The following LSAMP variants were observed in gnomAD, a reference collection of about 807,000 sequenced individuals.
LSAMP encodes limbic system-associated membrane protein.
LSAMP carries 7 observed loss-of-function variants against 38.6 expected under a neutral mutation model. That is an observed-to-expected ratio of 0.18 (90% CI 0.10 to 0.34). The LOEUF (loss-of-function observed/expected upper bound fraction) is 0.34, where lower values mean the gene tolerates loss of function less well. Among genes scored for constraint, LSAMP ranks in the 10% least tolerant of loss-of-function variants. LSAMP has a pLI of 1.00. For missense variants in LSAMP, 313 were observed against 420.0 expected (o/e 0.75, Z 2.23); for synonymous variants, 154 against 166.8 (o/e 0.92, Z 0.59).
At chr3:115,854,282 ATTTTTTTTTTTT>A (rs35263381) in intron 3 of LSAMP, among the ~76,000 whole-genome samples, 1 of 107,030 alleles carries the variant, frequency 9.3e-6, no homozygotes, top group African/African-American at 3.7e-5. Flanking sequence ...TATTATTATT[ATTTTTTTTTTTT>A]TTTTTTGAGA....
At chr3:115,895,360 T>C (rs1936702802) in intron 3 of LSAMP, among the ~76,000 whole-genome samples, 1 of 152,066 alleles carries the variant, frequency 6.6e-6, no homozygotes, top group Middle Eastern at 3.2e-3. Context: ...ACCAAACAGA[T>C]GGGGTCAGTT....
intron 3 of LSAMP, among the ~76,000 whole-genome samples, chr3:115,975,464 A>T (rs1212569758): frequency 6.6e-6 from 1 of 152,220 alleles, no homozygotes; most frequent in Non-Finnish European, 1.5e-5. Context: ...GAAGACAACA[A>T]GAAAAAGCAA....
chr3:116,001,778 C>G (rs1207805874), intron 3 of LSAMP, among the ~76,000 whole-genome samples: 1 of 152,194 alleles, frequency 6.6e-6, no homozygotes, highest in Non-Finnish European at 1.5e-5. Flanking sequence ...GGCACTCTGA[C>G]CTTCCTGCTT....
intron 3 of LSAMP, among the ~76,000 whole-genome samples, chr3:115,954,648 T>G (rs889151102): frequency 4.6e-5 from 7 of 152,194 alleles, no homozygotes; most frequent in African/African-American, 1.7e-4. Context: ...AAAAGGGCAA[T>G]GTGTTTTTAA....
At chr3:116,032,743 C>T (rs1940956534) in intron 2 of LSAMP, among the ~76,000 whole-genome samples, 1 of 152,046 alleles carries the variant, frequency 6.6e-6, no homozygotes, top group African/African-American at 2.4e-5. Flanking sequence ...ATGGAGGCTG[C>T]AGTGAGCTAT....
At chr3:115,869,922 G>A (rs1318913085) in intron 3 of LSAMP, among the ~76,000 whole-genome samples, 1 of 151,996 alleles carries the variant, frequency 6.6e-6, no homozygotes, top group African/African-American at 2.4e-5. Context: ...TGGGAACCAG[G>A]AGCATTATAG....
intron 1 of LSAMP, among the ~76,000 whole-genome samples, chr3:116,252,039 T>G (rs1036999379): frequency 1.3e-5 from 2 of 152,184 alleles, no homozygotes; most frequent in African/African-American, 2.4e-5. Context: ...AAAAAGCCAG[T>G]ATTTCTCCTT....
intron 1 of LSAMP, among the ~76,000 whole-genome samples, chr3:116,260,389 A>T (rs950698582): frequency 6.6e-6 from 1 of 152,004 alleles, no homozygotes; most frequent in African/African-American, 2.4e-5. Flanking sequence ...ATTTTTTAAA[A>T]TTTTCGAATA....
At chr3:116,139,331 T>C (rs940524293) in intron 1 of LSAMP, among the ~76,000 whole-genome samples, 1 of 151,980 alleles carries the variant, frequency 6.6e-6, no homozygotes, top group African/African-American at 2.4e-5. Context: ...CCACAAAATA[T>C]TCTGTTCTGA....
chr3:116,408,015 G>C (rs1388491827), intron 1 of LSAMP, among the ~76,000 whole-genome samples: 2 of 152,044 alleles, frequency 1.3e-5, no homozygotes, highest in Non-Finnish European at 2.9e-5. Context: ...GAGTAGGCTT[G>C]AGGTAATCAT....
intron 3 of LSAMP, among the ~76,000 whole-genome samples, chr3:115,942,708 A>G (rs776725006): frequency 6.6e-6 from 1 of 152,124 alleles, no homozygotes; most frequent in Non-Finnish European, 1.5e-5. Flanking sequence ...AGAGATTCTG[A>G]TTCGGTAAAT....
At chr3:116,043,502 C>T (rs531345816) in intron 2 of LSAMP, among the ~76,000 whole-genome samples, 49 of 152,242 alleles carry the variant, frequency 3.2e-4, no homozygotes, top group South Asian at 6.2e-4. Flanking sequence ...AATGGCATTT[C>T]CTGGGCATAA....
chr3:116,008,255 A>G (rs71323422), intron 3 of LSAMP, among the ~76,000 whole-genome samples: 18 of 152,296 alleles, frequency 1.2e-4, no homozygotes, highest in African/African-American at 4.3e-4. Context: ...TTACAGACGG[A>G]AAGTAGAGGG....
intron 1 of LSAMP, among the ~76,000 whole-genome samples, chr3:116,252,440 T>C (rs2046695927): frequency 6.6e-6 from 1 of 152,180 alleles, no homozygotes; most frequent in African/African-American, 2.4e-5. Context: ...GCCTGTGACC[T>C]GCAAGACAGA....
At chr3:116,143,005 CTTA>C (rs1457362153) in intron 1 of LSAMP, among the ~76,000 whole-genome samples, 3 of 148,900 alleles carry the variant, frequency 2.0e-5, no homozygotes, top group African/African-American at 4.9e-5. Context: ...TACAATATAA[CTTA>C]TTATATATAA....
chr3:116,437,795 T>A (rs1020395642), intron 1 of LSAMP, among the ~76,000 whole-genome samples: 2 of 152,166 alleles, frequency 1.3e-5, no homozygotes, highest in African/African-American at 4.8e-5. Context: ...GTAATCTCAG[T>A]GGTACTGTGA....
At chr3:116,129,567 C>T (rs948721404) in intron 1 of LSAMP, among the ~76,000 whole-genome samples, 3 of 152,178 alleles carry the variant, frequency 2.0e-5, no homozygotes, top group Non-Finnish European at 4.4e-5. Context: ...TCAGTGTGAC[C>T]TTTGGCAAGG....
intron 1 of LSAMP, among the ~76,000 whole-genome samples, chr3:116,134,943 GCT>G (rs1386789070): frequency 1.3e-5 from 2 of 152,064 alleles, no homozygotes; most frequent in African/African-American, 4.8e-5. Context: ...ATTTTGCTGG[GCT>G]CTCAATAATA....
At chr3:116,422,618 GA>G (rs947588277) in intron 1 of LSAMP, among the ~76,000 whole-genome samples, 1 of 152,096 alleles carries the variant, frequency 6.6e-6, no homozygotes, top group African/African-American at 2.4e-5. Context: ...AGGTGGGCAT[GA>G]AAAAAATTTT....
Sources: allele counts gnomAD v4.1 joint callset (sites outside exome capture counted in the v4.1 genomes callset), GRCh38; gene constraint gnomAD v4.1.1; transcripts MANE v1.5; gene names NCBI Gene and HGNC (gene_info 2026-07-23, HGNC 2026-07-21).